Variants in BLTP3A observed in about 807,000 individuals in gnomAD.
BLTP3A encodes bridge-like lipid transfer protein family member 3A.
chr6:34,849,084 C>T, the BLTP3A span, among the ~76,000 whole-genome samples: 5 of 151,738 alleles, frequency 3.3e-5, no homozygotes, highest in African/African-American at 9.7e-5. Flanking sequence ...TTGCAACCTC[C>T]GCCTTCTGGA....
the BLTP3A span, among the ~76,000 whole-genome samples, chr6:34,846,991 A>C: frequency 6.6e-6 from 1 of 152,166 alleles, no homozygotes; most frequent in Non-Finnish European, 1.5e-5. Context: ...AATTTTATCA[A>C]GTGCTTTTTC....
At chr6:34,806,079 T>C in the BLTP3A span, among the ~76,000 whole-genome samples, 2 of 152,208 alleles carry the variant, frequency 1.3e-5, no homozygotes, top group South Asian at 4.1e-4. Context: ...TCAGACATAT[T>C]AGAGTTGATT....
At chr6:34,846,237 C>A in the BLTP3A span, among the ~76,000 whole-genome samples, 2 of 151,292 alleles carry the variant, frequency 1.3e-5, no homozygotes, top group Non-Finnish European at 1.5e-5. Flanking sequence ...CTCCACTTCC[C>A]AGGTTCAAGC....
chr6:34,825,484 T>C, the BLTP3A span, among the ~76,000 whole-genome samples: 1 of 152,156 alleles, frequency 6.6e-6, no homozygotes, highest in African/African-American at 2.4e-5. Flanking sequence ...ATTTTTTGCA[T>C]TTAGTAGAGA....
the BLTP3A span, chr6:34,792,220 A>G: frequency 6.5e-7 from 1 of 1,531,568 alleles, no homozygotes; most frequent in South Asian, 1.2e-5. Flanking sequence ...CTGCCGGCCC[A>G]CCCGCCTTCC....
chr6:34,819,096 C>T, the BLTP3A span, among the ~76,000 whole-genome samples: 1 of 150,636 alleles, frequency 6.6e-6, no homozygotes, highest in Non-Finnish European at 1.5e-5. Context: ...CTATGAGAGG[C>T]AGCAGCAGTG....
the BLTP3A span, among the ~76,000 whole-genome samples, chr6:34,816,419 G>A: frequency 6.6e-6 from 1 of 151,866 alleles, no homozygotes; most frequent in Admixed American, 6.6e-5. Flanking sequence ...AGACCAGCCT[G>A]GGTAACAAAG....
At chr6:34,871,775 T>C in the BLTP3A span, 1 of 1,611,788 alleles carries the variant, frequency 6.2e-7, no homozygotes, top group East Asian at 2.2e-5. Context: ...TGTTTGGGAG[T>C]TGGCAGCAGT....
the BLTP3A span, among the ~76,000 whole-genome samples, chr6:34,842,395 T>C: frequency 0.44 from 66,759 of 152,078 alleles, 16,440 homozygotes; most frequent in African/African-American, 0.68. Context: ...TTTGTTTCCC[T>C]TAAAAGAAAC....
At chr6:34,870,893 A>C in the BLTP3A span, 1 of 1,614,074 alleles carries the variant, frequency 6.2e-7, no homozygotes, top group Non-Finnish European at 8.5e-7. Flanking sequence ...AAGACTGGCC[A>C]CATCAGGCCA....
the BLTP3A span, among the ~76,000 whole-genome samples, chr6:34,794,274 C>A: frequency 5.9e-5 from 9 of 152,044 alleles, 1 homozygote. Context: ...TTTCACATTG[C>A]GTGCCTATAT....
chr6:34,842,645 T>G, the BLTP3A span, among the ~76,000 whole-genome samples: 1 of 152,120 alleles, frequency 6.6e-6, no homozygotes, highest in African/African-American at 2.4e-5. Context: ...GAGTTCTATT[T>G]TTTTTTTAAT....
the BLTP3A span, among the ~76,000 whole-genome samples, chr6:34,814,433 T>C: frequency 6.6e-6 from 1 of 152,228 alleles, no homozygotes; most frequent in Non-Finnish European, 1.5e-5. Context: ...CATTTTTTGT[T>C]GACTCCTAAA....
the BLTP3A span, chr6:34,834,438 T>C: frequency 6.2e-7 from 1 of 1,608,070 alleles, no homozygotes; most frequent in South Asian, 1.1e-5. Context: ...AGGGAGAGAA[T>C]GGGGGAATAT....
At chr6:34,836,942 A>C in the BLTP3A span, among the ~76,000 whole-genome samples, 1 of 152,186 alleles carries the variant, frequency 6.6e-6, no homozygotes, top group Non-Finnish European at 1.5e-5. Context: ...GAAACCACTT[A>C]ATTTTCTGCT....
the BLTP3A span, among the ~76,000 whole-genome samples, chr6:34,838,071 A>G: frequency 1.3e-5 from 2 of 152,198 alleles, no homozygotes; most frequent in Non-Finnish European, 2.9e-5. Flanking sequence ...TTATTAAACT[A>G]TATTGATCTT....
the BLTP3A span, among the ~76,000 whole-genome samples, chr6:34,863,202 C>T: frequency 2.0e-5 from 3 of 152,118 alleles, no homozygotes; most frequent in East Asian, 1.9e-4. Flanking sequence ...TCACTGCGCC[C>T]GGCCTGAGTT....
the BLTP3A span, chr6:34,871,847 A>C: frequency 1.9e-6 from 3 of 1,614,230 alleles, no homozygotes; most frequent in Non-Finnish European, 2.5e-6. Flanking sequence ...CATCAGCTGA[A>C]GTACTTAAAA....
At chr6:34,843,945 G>T in the BLTP3A span, among the ~76,000 whole-genome samples, 2 of 152,038 alleles carry the variant, frequency 1.3e-5, no homozygotes, top group Admixed American at 1.3e-4. Flanking sequence ...TTTTACTGGG[G>T]TAAGATGACA....
Sources: allele counts gnomAD v4.1 joint callset (sites outside exome capture counted in the v4.1 genomes callset), GRCh38; gene constraint gnomAD v4.1.1; transcripts MANE v1.5; gene names NCBI Gene and HGNC (gene_info 2026-07-23, HGNC 2026-07-21).